The following ATP8A1 variants were observed in gnomAD, a reference collection of about 807,000 sequenced individuals.
The protein encoded by ATP8A1 is phospholipid-transporting ATPase IA.
Under a neutral mutation model 177.7 loss-of-function variants are expected in ATP8A1, and 90 were observed. That is an observed-to-expected ratio of 0.51 (90% CI 0.43 to 0.60). The LOEUF is 0.60. Ranked by LOEUF, ATP8A1 falls within the 20% of genes least tolerant of loss-of-function variation. ATP8A1 has a pLI of 0.00. For missense variants in ATP8A1, 1,072 were observed against 1,392.8 expected (o/e 0.77, Z 3.67); for synonymous variants, 493 against 485.9 (o/e 1.01, Z -0.19).
At chr4:42,460,070 C>T (rs10938193) in intron 27 of ATP8A1, among the ~76,000 whole-genome samples, 46,454 of 152,078 alleles carry the variant, frequency 0.31, 8,431 homozygotes, top group East Asian at 0.59. Flanking sequence ...GGATTACAGG[C>T]GTGAGCCACT....
chr4:42,509,201 A>T (rs1724741856), intron 22 of ATP8A1, among the ~76,000 whole-genome samples: 1 of 152,226 alleles, frequency 6.6e-6, no homozygotes, highest in Non-Finnish European at 1.5e-5. Flanking sequence ...TATAATTATA[A>T]AGGCCATATA....
chr4:42,433,658 AAACAC>A (rs1715568731), intron 33 of ATP8A1, among the ~76,000 whole-genome samples: 1 of 152,156 alleles, frequency 6.6e-6, no homozygotes, highest in Admixed American at 6.5e-5. Context: ...ACAAACAAAC[AAACAC>A]AAATCTTAGA....
At chr4:42,475,660 C>T (rs1325238885) in intron 25 of ATP8A1, among the ~76,000 whole-genome samples, 3 of 151,982 alleles carry the variant, frequency 2.0e-5, no homozygotes, top group Admixed American at 2.0e-4. Flanking sequence ...GAGCAACAAA[C>T]ATTTGAATAA....
At chr4:42,559,070 C>T (rs989133472) in intron 15 of ATP8A1, among the ~76,000 whole-genome samples, 1 of 152,118 alleles carries the variant, frequency 6.6e-6, no homozygotes, top group Non-Finnish European at 1.5e-5. Context: ...TGTGTAATCC[C>T]AGCTACTTGG....
chr4:42,651,959 G>A (rs994950218), intron 1 of ATP8A1, among the ~76,000 whole-genome samples: 2 of 152,088 alleles, frequency 1.3e-5, no homozygotes, highest in African/African-American at 4.8e-5. Flanking sequence ...ATTTATCTGG[G>A]GCAGCTAAAT....
chr4:42,473,143 C>T (rs1412541359), intron 25 of ATP8A1, among the ~76,000 whole-genome samples: 1 of 152,054 alleles, frequency 6.6e-6, no homozygotes, highest in Non-Finnish European at 1.5e-5. Flanking sequence ...GAATGTGCCT[C>T]CAGGTGTCAT....
intron 13 of ATP8A1, 51 bp downstream of exon 13, chr4:42,575,571 C>T (rs755315686): frequency 1.3e-5 from 19 of 1,514,824 alleles, no homozygotes; most frequent in East Asian, 9.1e-5. Flanking sequence ...AGATACCACA[C>T]CAAATCTAAC....
intron 30 of ATP8A1, among the ~76,000 whole-genome samples, chr4:42,450,378 G>T (rs1050229016): frequency 6.6e-6 from 1 of 152,168 alleles, no homozygotes; most frequent in Admixed American, 6.5e-5. Flanking sequence ...TGGATGATAT[G>T]AATGTCGGGC....
chr4:42,636,533 T>C (rs866819799), intron 1 of ATP8A1, among the ~76,000 whole-genome samples: 2 of 152,150 alleles, frequency 1.3e-5, no homozygotes, highest in Non-Finnish European at 2.9e-5. Context: ...CAAACACCCT[T>C]AAAAGCATGG....
Position 42,423,694 on chromosome 4 carries a change from C to A in ATP8A1, c.3135G>T (p.Leu1045Phe). Residue 1045 changes from leucine to phenylalanine, a missense_variant, in exon 34 of 37, where the codon TTG becomes TTT. Physicochemically the swap from Leu to Phe is conservative, Grantham distance 22. Around this residue, in one of 5 missense-constraint regions of ATP8A1, gnomAD observed 316 missense variants for 459.1 expected, o/e 0.69. Coordinates refer to ENST00000381668, the MANE Select transcript of ATP8A1 (RefSeq NM_006095.2). ...CCATCCAAAAGACTCCAGAACTGAA[C>A]AACATGGCTGCCTGTGTAAATCGTC... is the stretch of plus-strand genomic sequence containing the variant. ...APDMSGEAAMLFSSGVFWMGL... is the reference protein window; with the variant it reads ...APDMSGEAAMFFSSGVFWMGL... 1 of 1,611,384 alleles carries A rather than the reference C, an allele frequency of 6.2e-7. No homozygotes were observed. Among genetic ancestry groups the A allele is most frequent in the Non-Finnish European group, 8.5e-7 (1 of 1,178,686 alleles).
intron 33 of ATP8A1, among the ~76,000 whole-genome samples, chr4:42,430,807 C>T (rs1033781275): frequency 2.0e-5 from 3 of 152,108 alleles, no homozygotes; most frequent in Non-Finnish European, 4.4e-5. Context: ...ATTCAGCTTC[C>T]ACCACCCTGC....
At chr4:42,451,789 T>C (rs528600833) in intron 30 of ATP8A1, among the ~76,000 whole-genome samples, 192 bp downstream of exon 30, 2 of 152,350 alleles carry the variant, frequency 1.3e-5, no homozygotes, top group South Asian at 2.1e-4. Flanking sequence ...GCTTTGCATA[T>C]ATTAAATCAC....
At chr4:42,529,445 C>T (rs1381860477) in intron 20 of ATP8A1, among the ~76,000 whole-genome samples, 3 of 152,124 alleles carry the variant, frequency 2.0e-5, no homozygotes, top group Non-Finnish European at 4.4e-5. Context: ...ACTTTCTGAC[C>T]CATCTAGCCA....
intron 6 of ATP8A1, among the ~76,000 whole-genome samples, chr4:42,593,290 T>A (rs1734373838): frequency 1.3e-5 from 2 of 152,054 alleles, no homozygotes; most frequent in Non-Finnish European, 2.9e-5. Context: ...TAGAGATTTA[T>A]CCTGATAAAG....
At chr4:42,426,163 G>C (rs1050993122) in intron 33 of ATP8A1, among the ~76,000 whole-genome samples, 1 of 152,170 alleles carries the variant, frequency 6.6e-6, no homozygotes. Flanking sequence ...GGGCATGACC[G>C]ATAAGAGGGG....
intron 24 of ATP8A1, among the ~76,000 whole-genome samples, chr4:42,496,757 CAT>C (rs971383580): frequency 2.6e-5 from 4 of 151,960 alleles, no homozygotes; most frequent in Non-Finnish European, 5.9e-5. Flanking sequence ...CATATACACA[CAT>C]ATATATACGC....
At chr4:42,440,284 T>C (rs1716477153) in intron 33 of ATP8A1, among the ~76,000 whole-genome samples, 1 of 151,168 alleles carries the variant, frequency 6.6e-6, no homozygotes, top group African/African-American at 2.4e-5. Flanking sequence ...GTCAGAGTCC[T>C]ACAGCGAAAA....
intron 25 of ATP8A1, among the ~76,000 whole-genome samples, chr4:42,480,761 G>A (rs892834095): frequency 1.6e-4 from 25 of 152,290 alleles, no homozygotes; most frequent in African/African-American, 6.0e-4. Context: ...ACTCCCAAAT[G>A]ACAACACTCA....
chr4:42,435,460 A>AAAAAAAAAAAAT (rs1560320624), intron 33 of ATP8A1, among the ~76,000 whole-genome samples: 1 of 108,214 alleles, frequency 9.2e-6, no homozygotes, highest in African/African-American at 3.0e-5. Flanking sequence ...CAAAAAAAAA[A>AAAAAAAAAAAAT]AAACAAACTA....
Sources: allele counts gnomAD v4.1 joint callset (sites outside exome capture counted in the v4.1 genomes callset), GRCh38; gene constraint gnomAD v4.1.1; regional missense constraint gnomAD v4.1.1; transcripts MANE v1.5; gene names NCBI Gene and HGNC (gene_info 2026-07-23, HGNC 2026-07-21).